Variants in ZNF609 observed in about 807,000 individuals in gnomAD.
ZNF609 encodes zinc finger protein 609.
A neutral mutation model predicts 109.5 loss-of-function variants in ZNF609; 11 were observed. The ratio of observed to expected loss-of-function variants is 0.10; its 90% CI spans 0.06 to 0.17. The LOEUF is 0.17. Ranked by LOEUF, ZNF609 falls within the 10% of genes least tolerant of loss-of-function variation. The pLI is 1.00. For synonymous variants in ZNF609, 646 were observed against 662.0 expected (o/e 0.98, Z 0.37); for missense variants, 1,559 against 1,772.4 (o/e 0.88, Z 2.16).
intron 2 of ZNF609, among the ~76,000 whole-genome samples, chr15:64,538,188 G>C (rs565456588): frequency 2.0e-5 from 3 of 152,072 alleles, no homozygotes; most frequent in Non-Finnish European, 4.4e-5. Flanking sequence ...GCATTAGGAG[G>C]TGAAAAAAAT....
intron 2 of ZNF609, among the ~76,000 whole-genome samples, chr15:64,525,055 T>A (rs1893951036): frequency 6.6e-6 from 1 of 152,236 alleles, no homozygotes; most frequent in Admixed American, 6.5e-5. Context: ...TGACTTGGAT[T>A]TCTTTAATGA....
At chr15:64,492,003 A>T (rs750082707) in intron 1 of ZNF609, among the ~76,000 whole-genome samples, 1 of 152,154 alleles carries the variant, frequency 6.6e-6, no homozygotes, top group Non-Finnish European at 1.5e-5. Flanking sequence ...GCACTTTAGA[A>T]GGCCAACACA....
intron 2 of ZNF609, among the ~76,000 whole-genome samples, chr15:64,562,568 C>T (rs1894696990): frequency 6.6e-6 from 1 of 152,148 alleles, no homozygotes; most frequent in South Asian, 2.1e-4. Context: ...ATATCACAGC[C>T]ACACAAGTGC....
chr15:64,636,075 T>C (rs1170192940), intron 3 of ZNF609, among the ~76,000 whole-genome samples: 2 of 152,212 alleles, frequency 1.3e-5, no homozygotes, highest in Non-Finnish European at 2.9e-5. Flanking sequence ...TTGTGTTTTG[T>C]CTGCCAGGCT....
chr15:64,580,488 T>G (rs1438317936), intron 2 of ZNF609, among the ~76,000 whole-genome samples: 1 of 152,196 alleles, frequency 6.6e-6, no homozygotes, highest in Non-Finnish European at 1.5e-5. Flanking sequence ...AAGATTCCCT[T>G]TAGTATTTCT....
chr15:64,518,067 C>T (rs1195586303), intron 2 of ZNF609, among the ~76,000 whole-genome samples: 1 of 152,174 alleles, frequency 6.6e-6, no homozygotes, highest in African/African-American at 2.4e-5. Flanking sequence ...CAAGCGTGAG[C>T]CATCGTGCTG....
intron 3 of ZNF609, among the ~76,000 whole-genome samples, chr15:64,657,675 G>C (rs537231835): frequency 6.6e-6 from 1 of 152,300 alleles, no homozygotes; most frequent in Non-Finnish European, 1.5e-5. Context: ...TGGATTGACA[G>C]AGATAAAGGG....
chr15:64,630,098 C>CTTTTTTTTTTTT (rs773124227), intron 3 of ZNF609, among the ~76,000 whole-genome samples: 6 of 136,898 alleles, frequency 4.4e-5, no homozygotes, highest in Non-Finnish European at 7.9e-5. Flanking sequence ...TTTCTTTTTT[C>CTTTTTTTTTTTT]TTTTTTTTTT....
chr15:64,655,132 A>G (rs1464770004), intron 3 of ZNF609, among the ~76,000 whole-genome samples: 2 of 148,106 alleles, frequency 1.4e-5, no homozygotes, highest in African/African-American at 2.6e-5. Context: ...TTGAGGGGAA[A>G]AAAAACAGAA....
intron 2 of ZNF609, among the ~76,000 whole-genome samples, chr15:64,565,885 G>A (rs982620384): frequency 3.3e-5 from 5 of 151,954 alleles, no homozygotes; most frequent in Admixed American, 2.6e-4. Flanking sequence ...GTCTCGTTCT[G>A]TCACCCAGGC....
intron 2 of ZNF609, among the ~76,000 whole-genome samples, chr15:64,516,522 CGCCACCACCCACACCCG>C (rs1188803385): frequency 6.6e-6 from 1 of 152,042 alleles, no homozygotes; most frequent in Non-Finnish European, 1.5e-5. Flanking sequence ...GACAGGCATG[CGCCACCACCCACACCCG>C]GCTAATTTTT....
chr15:64,508,182 A>C (rs1431816856), intron 2 of ZNF609, among the ~76,000 whole-genome samples: 2 of 152,194 alleles, frequency 1.3e-5, no homozygotes, highest in African/African-American at 2.4e-5. Flanking sequence ...TTCTGTTCAC[A>C]GGGCAAAGTT....
At chr15:64,536,021 A>G (rs1567007867) in intron 2 of ZNF609, among the ~76,000 whole-genome samples, 1 of 150,230 alleles carries the variant, frequency 6.7e-6, no homozygotes, top group African/African-American at 2.5e-5. Context: ...AAGACTCACC[A>G]TTTTCTAACT....
Position 64,675,555 on chromosome 15 carries a change from C to T in ZNF609, c.2701C>T (p.Pro901Ser), listed in dbSNP as rs1387014997. The change falls in exon 5 of 10, where the codon CCA becomes TCA. Residue 901 changes from proline to serine, a missense_variant. Coordinates refer to ENST00000326648, the MANE Select transcript of ZNF609 (RefSeq NM_015042.2). ...YYQGFESYYS[P>S]SYAQSSPGAL... Reference sequence around the variant, plus strand: ...CCAAGGCTTTGAGAGTTACTATTCTCCAAGTTATGCACAGTCCAGCCCTGG... The same window carrying T: ...CCAAGGCTTTGAGAGTTACTATTCTTCAAGTTATGCACAGTCCAGCCCTGG... 1.2e-6 allele frequency: 2 copies of T among 1,614,028 alleles called. No individual in the cohort carries two copies. The highest frequency in any genetic ancestry group is 2.2e-5 in the East Asian group (1 of 44,892).
At chr15:64,624,460 A>G (rs1363957889) in intron 3 of ZNF609, among the ~76,000 whole-genome samples, 1 of 152,076 alleles carries the variant, frequency 6.6e-6, no homozygotes, top group African/African-American at 2.4e-5. Flanking sequence ...TTACCTCAGT[A>G]TATTGAAGAT....
chr15:64,471,660 C>T (rs893603267), intron 1 of ZNF609, among the ~76,000 whole-genome samples: 8 of 151,454 alleles, frequency 5.3e-5, no homozygotes, highest in Admixed American at 1.3e-4. Flanking sequence ...CTTGGCTCAC[C>T]GCAACTTCCG....
chr15:64,539,026 T>C (rs1894200747), intron 2 of ZNF609, among the ~76,000 whole-genome samples: 1 of 150,168 alleles, frequency 6.7e-6, no homozygotes, highest in South Asian at 2.1e-4. Context: ...TCTTTTGAGA[T>C]GGAGTCTTGT....
chr15:64,475,222 A>C (rs970718516), intron 1 of ZNF609, among the ~76,000 whole-genome samples: 1 of 148,496 alleles, frequency 6.7e-6, no homozygotes, highest in Non-Finnish European at 1.5e-5. Context: ...CTCCCAGGAC[A>C]GTTAACTCCC....
chr15:64,508,949 C>T (rs1053915507), intron 2 of ZNF609, among the ~76,000 whole-genome samples: 3 of 152,138 alleles, frequency 2.0e-5, no homozygotes, highest in Non-Finnish European at 4.4e-5. Context: ...CTGCCTTGGC[C>T]TCCCAAAGTG....
Sources: gnomAD v4.1 joint callset for allele counts (sites outside exome capture counted in the v4.1 genomes callset) on GRCh38, gnomAD v4.1.1 for gene constraint, MANE v1.5 for transcripts, NCBI Gene and HGNC (gene_info 2026-07-23, HGNC 2026-07-21) for gene names.